Variants in MTA3 observed in about 807,000 individuals in gnomAD.
MTA3 encodes the protein metastasis-associated protein MTA3.
MTA3 carries 34 observed loss-of-function variants against 83.5 expected under a neutral mutation model. The ratio of observed to expected loss-of-function variants is 0.41; its 90% CI spans 0.31 to 0.54. The LOEUF (loss-of-function observed/expected upper bound fraction) is 0.54, where lower values mean the gene tolerates loss of function less well. Among genes scored for constraint, MTA3 ranks in the 20% least tolerant of loss-of-function variants. The probability of loss-of-function intolerance (pLI) is 0.33; values close to 1 mark genes in which losing one functional copy is unlikely to be tolerated. For synonymous variants in MTA3, 303 were observed against 252.7 expected (o/e 1.20, Z -1.89); for missense variants, 761 against 726.4 (o/e 1.05, Z -0.55).
At chr2:42,691,729 T>C (rs1227113299) in intron 9 of MTA3, among the ~76,000 whole-genome samples, 6 of 152,220 alleles carry the variant, frequency 3.9e-5, no homozygotes, top group Non-Finnish European at 7.3e-5. Context: ...TCCTTCAGCT[T>C]TTGTTTGTCA....
In MTA3 at chr2:42,606,466, C is replaced by T. The variant is rs568255496; in HGVS notation, c.191-2992C>T. Among the ~76,000 whole-genome samples, 113 of 151,016 alleles carry T rather than the reference C, an allele frequency of 7.5e-4. 1 individual carries two copies. The highest frequency in any genetic ancestry group is 2.6e-3 in the African/African-American group (107 of 40,970). The stretch of plus-strand genomic sequence containing the variant: ...CTCCCCACATCTCAGACGATCTCCT[C>T]ACATCCCAGATGATGTGCGGCCGGG... On this transcript the variant is annotated intron_variant, in intron 3 of 16. Transcript: ENST00000405094.
chr2:42,578,843 G>A (rs1679318427), intron 2 of MTA3, among the ~76,000 whole-genome samples: 1 of 152,100 alleles, frequency 6.6e-6, no homozygotes, highest in African/African-American at 2.4e-5. Context: ...ACTATGTCTG[G>A]CTTTAATCAT....
rs1193963662 is a variant in MTA3 at position 42,754,768 on chromosome 2, T to A, written c.*1369T>A. The A allele has an allele frequency of 1.1e-5, 11 of 985,444 alleles. No individual in the cohort carries two copies. Among genetic ancestry groups the A allele is most frequent in the Non-Finnish European group, 1.3e-5 (11 of 829,954 alleles). The allele number at this position is 985,444 out of a possible 1,614,324, so 61.0% of individuals were successfully genotyped here. On this transcript the variant is annotated 3_prime_UTR_variant, in exon 17 of 17. Coordinates refer to ENST00000405094, the MANE Select transcript of MTA3 (RefSeq NM_001330442.2). Reference sequence around the variant, plus strand: ...TGTTGCAAGACAGAGTGGCTACAATTGAATTGACACCCTGGGAAGCACGAG... The same window carrying A: ...TGTTGCAAGACAGAGTGGCTACAATAGAATTGACACCCTGGGAAGCACGAG...
chr2:42,677,234 C>T (rs746876163), intron 8 of MTA3, among the ~76,000 whole-genome samples: 4 of 152,018 alleles, frequency 2.6e-5, no homozygotes, highest in Admixed American at 6.5e-5. Flanking sequence ...ATAATTCCCA[C>T]GTGTTGTGGG....
At chr2:42,612,318 G>A (rs1296680037) in intron 4 of MTA3, among the ~76,000 whole-genome samples, 1 of 152,004 alleles carries the variant, frequency 6.6e-6, no homozygotes, top group African/African-American at 2.4e-5. Flanking sequence ...GGGCTCAAGC[G>A]ATCCTCCCAC....
chr2:42,633,923 A>G (rs1408578238), intron 4 of MTA3, among the ~76,000 whole-genome samples: 13 of 152,136 alleles, frequency 8.5e-5, no homozygotes. Context: ...CACTTAATAT[A>G]TGCAATCTTA....
At position 42,756,406 on chromosome 2, in the gene MTA3, A is replaced by G; in HGVS notation, c.*3007A>G. 4 of 945,988 alleles carry G rather than the reference A, an allele frequency of 4.2e-6. No individual in the cohort carries two copies. The South Asian group carries it at 1.9e-4, about 46-fold the overall frequency. The allele number at this position is 945,988 out of a possible 1,614,324, so 58.6% of individuals were successfully genotyped here. ...AGCAGCTGCCCTGGGAGCCTGGGAC[A>G]GGCGACCCACCGGGTCAGTCCCCTG... On this transcript the variant is annotated 3_prime_UTR_variant, in exon 17 of 17. Coordinates refer to ENST00000405094, the MANE Select transcript of MTA3 (RefSeq NM_001330442.2).
intron 9 of MTA3, among the ~76,000 whole-genome samples, chr2:42,684,486 G>C (rs1692201858): frequency 6.6e-6 from 1 of 152,174 alleles, no homozygotes; most frequent in Non-Finnish European, 1.5e-5. Context: ...AAATTTGTAG[G>C]ATGCGCAGCT....
chr2:42,707,562 A>G (rs1287069776), intron 12 of MTA3, among the ~76,000 whole-genome samples: 1 of 152,194 alleles, frequency 6.6e-6, no homozygotes, highest in African/African-American at 2.4e-5. Flanking sequence ...TTTTTTAAAT[A>G]CTACCATCTT....
intron 4 of MTA3, among the ~76,000 whole-genome samples, chr2:42,631,447 T>A (rs2104256359): frequency 6.6e-6 from 1 of 152,308 alleles, no homozygotes; most frequent in African/African-American, 2.4e-5. Context: ...CACAAGAGCA[T>A]TTGGGTTAGA....
chr2:42,632,359 G>A (rs1446339686), intron 4 of MTA3, among the ~76,000 whole-genome samples: 1 of 151,974 alleles, frequency 6.6e-6, no homozygotes, highest in Non-Finnish European at 1.5e-5. Flanking sequence ...CAAAGTGCTG[G>A]GATTACAGGC....
chr2:42,652,931 A>G (rs911359858), intron 6 of MTA3, among the ~76,000 whole-genome samples: 2 of 152,226 alleles, frequency 1.3e-5, no homozygotes, highest in African/African-American at 4.8e-5. Context: ...TGGTGCAAAG[A>G]AAACGTTATT....
intron 5 of MTA3, among the ~76,000 whole-genome samples, chr2:42,642,689 G>C (rs1351361670): frequency 6.8e-6 from 1 of 147,024 alleles, no homozygotes; most frequent in Non-Finnish European, 1.5e-5. Flanking sequence ...TTGTCCCCCA[G>C]GCTGGAGTGC....
intron 12 of MTA3, 91 bp downstream of exon 12, chr2:42,704,409 T>C (rs556387518): frequency 2.0e-6 from 3 of 1,499,250 alleles, no homozygotes; most frequent in African/African-American, 2.8e-5. Flanking sequence ...GTCAGTACGG[T>C]GCACCTTGGA....
At position 42,698,918 on chromosome 2, in the gene MTA3, T is replaced by A. The variant is rs189851124; in HGVS notation, c.1025+1084T>A. Among the ~76,000 whole-genome samples, 19 of 152,304 alleles carry A rather than the reference T, an allele frequency of 1.2e-4. No homozygotes were observed. The East Asian group carries it at 3.7e-3, about 29-fold the overall frequency. ...TTCTAATTCCTTCTAAATTATATGT[T>A]TTATATGATGAATTTATAAAAGAGC... On this transcript the variant is annotated intron_variant, in intron 11 of 16. Coordinates refer to ENST00000405094, the MANE Select transcript of MTA3 (RefSeq NM_001330442.2).
chr2:42,699,222 G>A (rs1323846182), intron 11 of MTA3, among the ~76,000 whole-genome samples: 1 of 152,154 alleles, frequency 6.6e-6, no homozygotes, highest in Non-Finnish European at 1.5e-5. Context: ...TGTTTTGTGA[G>A]ATGAGGTCTT....
chr2:42,711,501 T>C (rs776479065), intron 14 of MTA3, among the ~76,000 whole-genome samples: 14 of 152,340 alleles, frequency 9.2e-5, no homozygotes, highest in Non-Finnish European at 1.3e-4. Context: ...TCACTGGTCA[T>C]TGAGTTGTAC....
chr2:42,579,072 C>A, intron 2 of MTA3, 35 bp from the exon 3 acceptor site: 1 of 1,384,084 alleles, frequency 7.2e-7, no homozygotes, highest in Non-Finnish European at 1.0e-6. Flanking sequence ...CTCTAATATT[C>A]AGTGCAAATG....
chr2:42,527,587 T>G (rs1572927723), intron 2 of MTA3, among the ~76,000 whole-genome samples: 1 of 152,082 alleles, frequency 6.6e-6, no homozygotes, highest in East Asian at 1.9e-4. Flanking sequence ...ATACAGACAT[T>G]TATCTACATT....
Sources: gnomAD v4.1 joint callset for allele counts (sites outside exome capture counted in the v4.1 genomes callset) on GRCh38, gnomAD v4.1.1 for gene constraint, MANE v1.5 for transcripts, NCBI Gene and HGNC (gene_info 2026-07-23, HGNC 2026-07-21) for gene names.